The following TBC1D1 variants were observed in gnomAD, a reference collection of about 807,000 sequenced individuals.
TBC1D1 encodes TBC1 (tre-2/USP6, BUB2, cdc16) domain family, member 1.
TBC1D1 carries 89 observed loss-of-function variants against 125.6 expected under a neutral mutation model. The ratio of observed to expected loss-of-function variants is 0.71; its 90% CI spans 0.60 to 0.85. TBC1D1 has a LOEUF of 0.85. Among genes scored for constraint, TBC1D1 ranks in the 40% least tolerant of loss-of-function variants. The pLI is 0.00. For synonymous variants in TBC1D1, 565 were observed against 564.1 expected (o/e 1.00, Z -0.02); for missense variants, 1,377 against 1,469.2 (o/e 0.94, Z 1.03).
chr4:38,083,637 G>A (rs752865737), intron 12 of TBC1D1, among the ~76,000 whole-genome samples: 11 of 152,214 alleles, frequency 7.2e-5, no homozygotes, highest in Non-Finnish European at 1.3e-4. Flanking sequence ...TGCAGATTTC[G>A]CAGATTAGGA....
At chr4:38,134,837 C>T (rs1766211208) in intron 19 of TBC1D1, among the ~76,000 whole-genome samples, 2 of 152,194 alleles carry the variant, frequency 1.3e-5, no homozygotes, top group East Asian at 3.8e-4. Flanking sequence ...CAGATGTTCT[C>T]CCTGGAATGG....
chr4:37,941,863 G>A (rs1357477131), intron 2 of TBC1D1, among the ~76,000 whole-genome samples: 3 of 152,188 alleles, frequency 2.0e-5, no homozygotes, highest in African/African-American at 7.2e-5. Flanking sequence ...CTGAGTTCTA[G>A]TTTGATTGCA....
chr4:38,017,401 A>G (rs1476959051), intron 3 of TBC1D1, among the ~76,000 whole-genome samples: 1 of 152,242 alleles, frequency 6.6e-6, no homozygotes, highest in Non-Finnish European at 1.5e-5. Flanking sequence ...CAGAAGGACA[A>G]GAGTAAAAGG....
At chr4:38,105,724 G>A (rs181303865) in intron 15 of TBC1D1, among the ~76,000 whole-genome samples, 3 of 152,236 alleles carry the variant, frequency 2.0e-5, no homozygotes, top group Admixed American at 6.5e-5. Flanking sequence ...TTTGCTTAGG[G>A]TAATGACCTG....
chr4:38,031,624 A>T (rs1746156101), intron 7 of TBC1D1, among the ~76,000 whole-genome samples: 1 of 151,858 alleles, frequency 6.6e-6, no homozygotes, highest in Admixed American at 6.6e-5. Context: ...TTATTTATTA[A>T]TTTTTTTTAA....
At chr4:38,112,689 C>T (rs547110173) in intron 15 of TBC1D1, among the ~76,000 whole-genome samples, 5 of 152,220 alleles carry the variant, frequency 3.3e-5, no homozygotes, top group East Asian at 3.9e-4. Context: ...GCATAAGGGG[C>T]GCTACATGTA....
intron 3 of TBC1D1, among the ~76,000 whole-genome samples, chr4:38,016,299 G>C (rs1742704521): frequency 6.6e-6 from 1 of 152,228 alleles, no homozygotes; most frequent in South Asian, 2.1e-4. Flanking sequence ...CACCTGGGAA[G>C]GTCTTCTGGG....
chr4:38,013,610 A>G (rs1741986821), intron 2 of TBC1D1, among the ~76,000 whole-genome samples: 1 of 152,192 alleles, frequency 6.6e-6, no homozygotes, highest in South Asian at 2.1e-4. Context: ...CCATCATCTG[A>G]GCAATTGCAC....
rs1158964364 is a variant in TBC1D1, at chr4:37,977,948, G to C, written c.418-36561G>C. Among the ~76,000 whole-genome samples, 2 of 152,176 alleles carry C rather than the reference G, an allele frequency of 1.3e-5. No individual in the cohort carries two copies. The highest frequency in any genetic ancestry group is 2.9e-5 in the Non-Finnish European group (2 of 68,020). ...GTGTCTCCCTCGCAGAAGTCGGCTT[G>C]CGCTGGGCCGCCTGGACAGGGCGCC... On this transcript the variant is annotated intron_variant, in intron 2 of 19. Transcript: ENST00000261439. The surrounding 1 kb of genome is among the most constrained non-coding windows in gnomAD (Gnocchi z 4.3).
chr4:37,992,805 T>C (rs1276783580), intron 2 of TBC1D1, among the ~76,000 whole-genome samples: 2 of 147,302 alleles, frequency 1.4e-5, no homozygotes, highest in Non-Finnish European at 3.0e-5. Context: ...TTCTTTTTTT[T>C]TTTTTTTTCT....
intron 15 of TBC1D1, among the ~76,000 whole-genome samples, chr4:38,109,249 C>T (rs998476852): frequency 2.6e-5 from 4 of 152,178 alleles, no homozygotes; most frequent in South Asian, 2.1e-4. Context: ...ATTCTTGCAC[C>T]ACCAGCCACA....
chr4:38,045,008 A>G (rs907468914), intron 9 of TBC1D1, among the ~76,000 whole-genome samples: 12 of 152,238 alleles, frequency 7.9e-5, no homozygotes, highest in African/African-American at 2.9e-4. Flanking sequence ...TGCAGACTTC[A>G]GCAGTTGCCA....
chr4:37,917,244 C>A (rs1719922860), intron 2 of TBC1D1, among the ~76,000 whole-genome samples: 1 of 151,472 alleles, frequency 6.6e-6, no homozygotes, highest in Admixed American at 6.6e-5. Flanking sequence ...GAGGCCGAGG[C>A]AGGTGGATCA....
At chr4:37,966,970 G>A (rs572789350) in intron 2 of TBC1D1, among the ~76,000 whole-genome samples, 1 of 152,316 alleles carries the variant, frequency 6.6e-6, no homozygotes, top group Non-Finnish European at 1.5e-5. Flanking sequence ...CCTGTGGCTT[G>A]GTGGACTTTT....
chr4:37,981,160 C>G (rs1472101084), intron 2 of TBC1D1, among the ~76,000 whole-genome samples: 2 of 152,134 alleles, frequency 1.3e-5, no homozygotes, highest in Non-Finnish European at 2.9e-5. Flanking sequence ...CCAGGCCGGT[C>G]TTGAACTCCT....
At chr4:37,960,667 A>G (rs1007428214) in intron 2 of TBC1D1, 1 of 1,614,130 alleles carries the variant, frequency 6.2e-7, no homozygotes, top group Non-Finnish European at 8.5e-7. Flanking sequence ...GTAAAGACCA[A>G]TGGACCCAGA....
chr4:38,066,080 G>A (rs1753677970), intron 12 of TBC1D1, among the ~76,000 whole-genome samples: 1 of 152,164 alleles, frequency 6.6e-6, no homozygotes, highest in South Asian at 2.1e-4. Context: ...CTTAATCACA[G>A]TAATGAACCG....
At chr4:38,058,310 G>C (rs970109981) in intron 12 of TBC1D1, among the ~76,000 whole-genome samples, 15 of 152,170 alleles carry the variant, frequency 9.9e-5, no homozygotes, top group African/African-American at 3.6e-4. Flanking sequence ...CACACTAGCA[G>C]GTCTCCATAT....
Position 38,052,190 on chromosome 4 carries a change from TGTGTGCGCGCGC to T in TBC1D1, c.1911-2003_1911-1992del. The T allele has an allele frequency of 3.9e-5, 24 of 614,680 alleles. No homozygotes were observed. The African/African-American group carries it at 4.7e-4, about 12-fold the overall frequency. 38.1% of individuals were successfully genotyped at this position (614,680 alleles called of 1,614,324 possible). A position where few individuals can be genotyped will look rare whatever the true frequency, so the allele number is the denominator to read the frequency against. The stretch of plus-strand genomic sequence containing the variant: ...CACTGTGTGTGTGTGTGTGTGTGTG[TGTGTGCGCGCGC>T]GTGTGTGTCTTTGTTTATATTTTGT... On this transcript the variant is annotated intron_variant, in intron 11 of 19. Transcript: ENST00000261439.
Sources: allele counts gnomAD v4.1 joint callset (sites outside exome capture counted in the v4.1 genomes callset), GRCh38; gene constraint gnomAD v4.1.1; non-coding constraint Gnocchi (gnomAD v3.1); transcripts MANE v1.5; gene names NCBI Gene and HGNC (gene_info 2026-07-23, HGNC 2026-07-21).